The following ANKS1B variants were observed in gnomAD, a reference collection of about 807,000 sequenced individuals.
ANKS1B encodes the protein ankyrin repeat and sterile alpha motif domain containing 1B.
ANKS1B carries 36 observed loss-of-function variants against 148.3 expected under a neutral mutation model. That is an observed-to-expected ratio of 0.24 (90% CI 0.19 to 0.32). The LOEUF (loss-of-function observed/expected upper bound fraction) is 0.32. ANKS1B is among the 10% of genes least tolerant of loss of function. The probability of loss-of-function intolerance (pLI) is 1.00; values close to 1 mark genes in which losing one functional copy is unlikely to be tolerated. For missense variants in ANKS1B, 1,157 were observed against 1,542.6 expected (o/e 0.75, Z 4.19); for synonymous variants, 542 against 560.8 (o/e 0.97, Z 0.47).
chr12:99,432,195 A>G (rs1037847647), intron 11 of ANKS1B, among the ~76,000 whole-genome samples: 1 of 152,176 alleles, frequency 6.6e-6, no homozygotes, highest in Non-Finnish European at 1.5e-5. Flanking sequence ...GAGTTAAATA[A>G]GCCTCTTTTC....
chr12:99,171,013 T>C (rs2077697191), intron 14 of ANKS1B, among the ~76,000 whole-genome samples: 1 of 152,202 alleles, frequency 6.6e-6, no homozygotes, highest in Non-Finnish European at 1.5e-5. Flanking sequence ...ATGCCCACAT[T>C]GGGGAAAGAA....
chr12:99,788,866 G>C (rs1046768867), intron 4 of ANKS1B, among the ~76,000 whole-genome samples: 2 of 152,204 alleles, frequency 1.3e-5, no homozygotes, highest in African/African-American at 4.8e-5. Context: ...GCCACAGGGA[G>C]AGTCTCCTCT....
intron 3 of ANKS1B, 96 bp from the exon 4 acceptor site, chr12:99,806,796 G>A (rs1415057584): frequency 2.6e-6 from 3 of 1,133,160 alleles, no homozygotes; most frequent in Admixed American, 2.5e-5. Flanking sequence ...GCTTTGAAAT[G>A]TAAGTTAAGA....
intron 1 of ANKS1B, among the ~76,000 whole-genome samples, chr12:99,829,971 A>G (rs2083727118): frequency 6.6e-6 from 1 of 152,148 alleles, no homozygotes; most frequent in South Asian, 2.1e-4. Context: ...TTCCTAAAAC[A>G]CCCATCCAGG....
At chr12:99,045,739 A>G (rs2099961909) in intron 17 of ANKS1B, among the ~76,000 whole-genome samples, 1 of 152,216 alleles carries the variant, frequency 6.6e-6, no homozygotes, top group Non-Finnish European at 1.5e-5. Context: ...GGCATGAGGC[A>G]TTGAAGGACA....
chr12:99,787,266 A>G (rs1317573094), intron 4 of ANKS1B, among the ~76,000 whole-genome samples: 1 of 152,120 alleles, frequency 6.6e-6, no homozygotes, highest in African/African-American at 2.4e-5. Context: ...TGCTGTTCTC[A>G]TGATAGTGAG....
intron 1 of ANKS1B, among the ~76,000 whole-genome samples, chr12:99,875,253 T>C (rs1345864966): frequency 1.4e-4 from 22 of 152,168 alleles, no homozygotes; most frequent in Admixed American, 1.3e-3. Context: ...TAAATTGCAT[T>C]TCAAAATGTT....
At chr12:99,046,687 T>C (rs1433362025) in intron 17 of ANKS1B, among the ~76,000 whole-genome samples, 1 of 151,938 alleles carries the variant, frequency 6.6e-6, no homozygotes, top group Non-Finnish European at 1.5e-5. Flanking sequence ...TAGTCCCAGC[T>C]ACTTGGAAGG....
chr12:98,862,450 G>A (rs1054428923), intron 17 of ANKS1B, among the ~76,000 whole-genome samples: 2 of 152,062 alleles, frequency 1.3e-5, no homozygotes, highest in African/African-American at 4.8e-5. Context: ...AACACTCAAT[G>A]TAGCTAACAG....
chr12:99,962,203 C>A, intron 1 of ANKS1B, among the ~76,000 whole-genome samples: 1 of 152,048 alleles, frequency 6.6e-6, no homozygotes, highest in South Asian at 2.1e-4. Context: ...CTTCCCTAAC[C>A]CTCCCACCCC....
intron 17 of ANKS1B, among the ~76,000 whole-genome samples, chr12:98,916,882 C>T (rs191922897): frequency 5.7e-4 from 86 of 152,174 alleles, no homozygotes; most frequent in Middle Eastern, 6.8e-3. Flanking sequence ...TAAGAGCAAA[C>T]ATTTATGTGT....
At chr12:99,774,757 A>G (rs1410909857) in intron 7 of ANKS1B, among the ~76,000 whole-genome samples, 1 of 152,122 alleles carries the variant, frequency 6.6e-6, no homozygotes, top group African/African-American at 2.4e-5. Context: ...ATGGATGGAT[A>G]AATAAAATGC....
intron 12 of ANKS1B, among the ~76,000 whole-genome samples, chr12:99,346,685 G>A (rs1321796703): frequency 6.6e-6 from 1 of 151,964 alleles, no homozygotes; most frequent in Non-Finnish European, 1.5e-5. Context: ...CTGGAAAATG[G>A]GATGTCTGTG....
chr12:98,747,884 T>C (rs2097935677), intron 26 of ANKS1B, among the ~76,000 whole-genome samples: 1 of 152,180 alleles, frequency 6.6e-6, no homozygotes, highest in Non-Finnish European at 1.5e-5. Flanking sequence ...TTCTCATATG[T>C]GGAGGCTATA....
At chr12:99,378,976 G>A (rs1243899090) in intron 12 of ANKS1B, among the ~76,000 whole-genome samples, 1 of 152,064 alleles carries the variant, frequency 6.6e-6, no homozygotes, top group African/African-American at 2.4e-5. Flanking sequence ...CATTTGTAAT[G>A]GAAGCATCTA....
chr12:99,656,765 T>A (rs1283479244), intron 8 of ANKS1B, among the ~76,000 whole-genome samples: 1 of 151,632 alleles, frequency 6.6e-6, no homozygotes, highest in Non-Finnish European at 1.5e-5. Flanking sequence ...AAAAAAAAGA[T>A]GTATATGCAT....
intron 8 of ANKS1B, among the ~76,000 whole-genome samples, chr12:99,735,031 C>G (rs950076100): frequency 6.6e-6 from 1 of 152,116 alleles, no homozygotes; most frequent in African/African-American, 2.4e-5. Context: ...GTCTTTTTCT[C>G]TCTCACATCA....
intron 8 of ANKS1B, among the ~76,000 whole-genome samples, chr12:99,660,416 T>C (rs375879919): frequency 6.7e-6 from 1 of 148,496 alleles, no homozygotes; most frequent in East Asian, 2.0e-4. Context: ...CAGGCTGCAG[T>C]GCAGTGGCAC....
intron 12 of ANKS1B, among the ~76,000 whole-genome samples, chr12:99,249,681 C>A (rs1383923221): frequency 6.6e-6 from 1 of 152,226 alleles, no homozygotes; most frequent in African/African-American, 2.4e-5. Flanking sequence ...CCCCAGTCTG[C>A]TCACAGCTCC....
Sources: gnomAD v4.1 joint callset for allele counts (sites outside exome capture counted in the v4.1 genomes callset) on GRCh38, gnomAD v4.1.1 for gene constraint, MANE v1.5 for transcripts, NCBI Gene and HGNC (gene_info 2026-07-23, HGNC 2026-07-21) for gene names.